Variants in TENM2 observed in about 807,000 individuals in gnomAD.
TENM2 encodes teneurin-2.
A neutral mutation model predicts 245.2 loss-of-function variants in TENM2; 52 were observed. That is an observed-to-expected ratio of 0.21 (90% CI 0.17 to 0.27). The LOEUF (loss-of-function observed/expected upper bound fraction) is 0.27. TENM2 is among the 10% of genes least tolerant of loss of function. The probability of loss-of-function intolerance (pLI) is 1.00; values close to 1 mark genes in which losing one functional copy is unlikely to be tolerated. For synonymous variants in TENM2, 1,363 were observed against 1,438.9 expected (o/e 0.95, Z 1.19); for missense variants, 3,046 against 3,666.8 (o/e 0.83, Z 4.37).
chr5:167,327,015 A>G (rs1032754696), intron 1 of TENM2, among the ~76,000 whole-genome samples: 5 of 152,166 alleles, frequency 3.3e-5, no homozygotes, highest in African/African-American at 1.2e-4. Context: ...TTAAACATTT[A>G]TTCTTTTTTA....
the TENM2 span, among the ~76,000 whole-genome samples, chr5:167,262,398 T>TG: frequency 9.1e-5 from 11 of 120,296 alleles, 1 homozygote; most frequent in South Asian, 2.4e-3. Context: ...GGCTTTTTTT[T>TG]TGGGGGGGCG....
intron 13 of TENM2, among the ~76,000 whole-genome samples, chr5:168,173,404 T>G (rs963415606): frequency 4.6e-5 from 7 of 152,112 alleles, no homozygotes; most frequent in African/African-American, 1.4e-4. Context: ...CACTACTGGT[T>G]GGAGCCAAGA....
chr5:167,513,634 T>A (rs969579871), intron 2 of TENM2, among the ~76,000 whole-genome samples: 1 of 152,188 alleles, frequency 6.6e-6, no homozygotes, highest in Non-Finnish European at 1.5e-5. Flanking sequence ...CTTGACAGGA[T>A]GAACTGAACA....
chr5:167,094,826 A>AG, the TENM2 span, among the ~76,000 whole-genome samples: 2 of 152,168 alleles, frequency 1.3e-5, no homozygotes, highest in Non-Finnish European at 1.5e-5. Flanking sequence ...GGGCAAGTGA[A>AG]TTTCTCTGCA....
chr5:167,354,510 C>A (rs1263392639), intron 1 of TENM2, among the ~76,000 whole-genome samples: 1 of 152,192 alleles, frequency 6.6e-6, no homozygotes, highest in Non-Finnish European at 1.5e-5. Context: ...AAACCCTCCC[C>A]CATCTTCCAG....
chr5:167,609,146 A>G (rs1217002172), intron 2 of TENM2, among the ~76,000 whole-genome samples: 3 of 152,098 alleles, frequency 2.0e-5, no homozygotes, highest in African/African-American at 4.8e-5. Context: ...TGTGTCATTC[A>G]TACACTTTGT....
intron 2 of TENM2, among the ~76,000 whole-genome samples, chr5:167,671,841 C>T (rs1755966538): frequency 6.6e-6 from 1 of 151,346 alleles, no homozygotes; most frequent in South Asian, 2.1e-4. Context: ...ATACACAATT[C>T]CTGAATGATA....
intron 9 of TENM2, among the ~76,000 whole-genome samples, chr5:168,099,854 C>T (rs1793666148): frequency 6.6e-6 from 1 of 152,214 alleles, no homozygotes; most frequent in Non-Finnish European, 1.5e-5. Flanking sequence ...CGCTTACAGG[C>T]ATCTCTTCTG....
chr5:167,429,696 T>C (rs1764095462), intron 2 of TENM2, among the ~76,000 whole-genome samples: 1 of 137,604 alleles, frequency 7.3e-6, no homozygotes, highest in Non-Finnish European at 1.5e-5. Context: ...AACCTCCGCC[T>C]CCCAGGTTCA....
In TENM2 at chr5:167,432,266, A is replaced by G. The variant is rs368323693; in HGVS notation, c.502+56793A>G. Among the ~76,000 whole-genome samples, 181 of 151,842 alleles carry G rather than the reference A, an allele frequency of 1.2e-3. 7 individuals are homozygous for G. The highest frequency in any genetic ancestry group is 4.1e-3 in the African/African-American group (170 of 41,252). Reference sequence around the variant, plus strand: ...ATTACCAGCATCTGAATTTTTCAGCATGAGGCAGCAAAAGATTGAAAAGCA... The same window carrying G: ...ATTACCAGCATCTGAATTTTTCAGCGTGAGGCAGCAAAAGATTGAAAAGCA... On this transcript the variant is annotated intron_variant, in intron 2 of 28. Coordinates refer to ENST00000518659, the Ensembl canonical transcript of TENM2.
intron 2 of TENM2, among the ~76,000 whole-genome samples, chr5:167,822,270 C>G (rs887052833): frequency 1.2e-4 from 18 of 152,064 alleles, no homozygotes; most frequent in African/African-American, 4.3e-4. Flanking sequence ...TGTCAATAAG[C>G]TGGTCTCCGT....
intron 2 of TENM2, among the ~76,000 whole-genome samples, chr5:167,451,741 C>G (rs190207073): frequency 0.013 from 1,988 of 152,138 alleles, 26 homozygotes; most frequent in Non-Finnish European, 0.022. Context: ...CTCCGCCTCC[C>G]GGGTTCATGC....
At chr5:167,193,611 T>C in the TENM2 span, among the ~76,000 whole-genome samples, 7 of 152,018 alleles carry the variant, frequency 4.6e-5, no homozygotes, top group South Asian at 1.4e-3. Context: ...GATATAACTC[T>C]TTGTAGGTGT....
chr5:167,618,594 A>T (rs1777951079), intron 2 of TENM2, among the ~76,000 whole-genome samples: 1 of 152,118 alleles, frequency 6.6e-6, no homozygotes, highest in Non-Finnish European at 1.5e-5. Context: ...AAAGCTACTT[A>T]TTCTACTTAT....
intron 2 of TENM2, among the ~76,000 whole-genome samples, chr5:167,375,921 C>G (rs2127314146): frequency 6.6e-6 from 1 of 152,256 alleles, no homozygotes; most frequent in East Asian, 1.9e-4. Context: ...GGCAATGCCT[C>G]ATATCCGTAT....
intron 7 of TENM2, among the ~76,000 whole-genome samples, chr5:168,084,148 C>CT (rs1429410306): frequency 6.6e-6 from 1 of 152,168 alleles, no homozygotes; most frequent in Non-Finnish European, 1.5e-5. Flanking sequence ...ACCACATTTT[C>CT]TTTTTCCACT....
chr5:167,572,214 A>G (rs1188074297), intron 2 of TENM2, among the ~76,000 whole-genome samples: 2 of 152,208 alleles, frequency 1.3e-5, no homozygotes, highest in African/African-American at 2.4e-5. Context: ...AGATTAAGCA[A>G]TCCCTCTTTG....
the TENM2 span, among the ~76,000 whole-genome samples, chr5:167,141,684 A>G: frequency 6.6e-6 from 1 of 152,192 alleles, no homozygotes; most frequent in Non-Finnish European, 1.5e-5. Flanking sequence ...CAATGTTTGA[A>G]CATTGCTTTT....
At chr5:167,650,472 C>T (rs1037713919) in intron 2 of TENM2, among the ~76,000 whole-genome samples, 1 of 152,058 alleles carries the variant, frequency 6.6e-6, no homozygotes, top group African/African-American at 2.4e-5. Context: ...GCTGATCTAC[C>T]TTTGAAAGGT....
Sources: allele counts gnomAD v4.1 joint callset (sites outside exome capture counted in the v4.1 genomes callset), GRCh38; gene constraint gnomAD v4.1.1; transcripts MANE v1.5; gene names NCBI Gene and HGNC (gene_info 2026-07-23, HGNC 2026-07-21).